KIAA1217: variants seen among roughly 807,000 people sequenced by gnomAD.
The protein encoded by KIAA1217 is sickle tail protein homolog.
A neutral mutation model predicts 163.9 loss-of-function variants in KIAA1217; 88 were observed. The observed-to-expected ratio is 0.54, with a 90% confidence interval of 0.45 to 0.64. KIAA1217 has a LOEUF of 0.64. Ranked by LOEUF, KIAA1217 falls within the 30% of genes least tolerant of loss-of-function variation. KIAA1217 has a pLI of 0.00. For missense variants in KIAA1217, 2,372 were observed against 2,475.0 expected (o/e 0.96, Z 0.88); for synonymous variants, 903 against 923.1 (o/e 0.98, Z 0.39).
rs1310814801 is a variant in KIAA1217 at position 24,348,866 on chromosome 10, G to T, written c.355-32003G>T. The stretch of plus-strand genomic sequence containing the variant: ...CCCAAGCATTCAAAAACAGCTGGGG[G>T]CTGGGCACAGTGGCTCCTGACTATA... On this transcript the variant is annotated intron_variant, in intron 2 of 20. Coordinates refer to ENST00000376454, the MANE Select transcript of KIAA1217 (RefSeq NM_019590.5). Among the ~76,000 whole-genome samples, 9 of 152,156 alleles carry T rather than the reference G, an allele frequency of 5.9e-5. 1 individual carries two copies. Among genetic ancestry groups the T allele is most frequent in the Admixed American group, 5.9e-4 (9 of 15,280 alleles).
intron 1 of KIAA1217, among the ~76,000 whole-genome samples, chr10:23,761,678 A>G (rs1047115053): frequency 1.3e-5 from 2 of 152,046 alleles, no homozygotes; most frequent in Non-Finnish European, 2.9e-5. Context: ...TTCCCACTAT[A>G]TGGTCGATTT....
intron 2 of KIAA1217, among the ~76,000 whole-genome samples, chr10:24,347,739 C>A (rs867952160): frequency 2.0e-5 from 3 of 152,152 alleles, no homozygotes; most frequent in Admixed American, 6.5e-5. Flanking sequence ...AAATTCCATG[C>A]CAGTTTCGTG....
At chr10:24,271,050 T>C (rs1190387780) in intron 2 of KIAA1217, among the ~76,000 whole-genome samples, 1 of 152,188 alleles carries the variant, frequency 6.6e-6, no homozygotes, top group Admixed American at 6.5e-5. Flanking sequence ...TGAGGTTCAG[T>C]GTCATTGGAA....
At chr10:23,880,328 T>A (rs1183554208) in intron 1 of KIAA1217, among the ~76,000 whole-genome samples, 1 of 151,924 alleles carries the variant, frequency 6.6e-6, no homozygotes, top group Non-Finnish European at 1.5e-5. Flanking sequence ...GTCTTTATGT[T>A]AAGTAAAATG....
rs2061825042 is a variant in KIAA1217 at position 24,089,040 on chromosome 10, G to A, written c.-171+81666G>A. ...TGGTTTTGATTTGCATTTCTCTGAT[G>A]GCCAGTGGTGATGAGCATTTTTTCA... On this transcript the variant is annotated intron_variant, in intron 2 of 18. Coordinates refer to the KIAA1217 transcript ENST00000376462. 1.6e-5 allele frequency among the ~76,000 whole-genome samples: 2 copies of A among 125,266 alleles called. 1 individual carries two copies. Among genetic ancestry groups the A allele is most frequent in the Admixed American group, 1.5e-4 (2 of 13,052 alleles). 82.2% of individuals were successfully genotyped at this position (125,266 alleles called of 152,430 possible). A position where few individuals can be genotyped will look rare whatever the true frequency, so the allele number is the denominator to read the frequency against.
intron 3 of KIAA1217, among the ~76,000 whole-genome samples, chr10:24,423,715 T>C (rs1341031985): frequency 6.6e-6 from 1 of 152,148 alleles, no homozygotes; most frequent in Non-Finnish European, 1.5e-5. Context: ...ACCTCAGTTT[T>C]AGTAGAAATA....
At chr10:24,355,286 ATTATC>A (rs2048946574) in intron 2 of KIAA1217, among the ~76,000 whole-genome samples, 1 of 152,166 alleles carries the variant, frequency 6.6e-6, no homozygotes, top group Non-Finnish European at 1.5e-5. Context: ...TCAGTGGTTT[ATTATC>A]TTAGTTTCAG....
chr10:24,040,607 T>C (rs2131556233), intron 2 of KIAA1217, among the ~76,000 whole-genome samples: 1 of 152,316 alleles, frequency 6.6e-6, no homozygotes, highest in Admixed American at 6.5e-5. Flanking sequence ...TACAGCAGTA[T>C]TTGCAAACGT....
intron 3 of KIAA1217, among the ~76,000 whole-genome samples, chr10:24,413,105 A>C (rs766373866): frequency 7.2e-5 from 11 of 152,074 alleles, no homozygotes; most frequent in Non-Finnish European, 1.3e-4. Flanking sequence ...CTAACCCTGC[A>C]CTCAGGTCCA....
chr10:24,147,796 G>GCAC (rs1254811523), intron 2 of KIAA1217, among the ~76,000 whole-genome samples: 1 of 115,086 alleles, frequency 8.7e-6, no homozygotes, highest in Non-Finnish European at 1.6e-5. Context: ...CCATGCCACT[G>GCAC]CACTCCAGCC....
intron 2 of KIAA1217, among the ~76,000 whole-genome samples, chr10:24,309,163 A>AGGGG (rs1564446364): frequency 1.3e-5 from 1 of 75,222 alleles, no homozygotes; most frequent in Non-Finnish European, 2.6e-5. Context: ...GGAGGGAGGG[A>AGGGG]GGGAGGGAAG....
chr10:24,383,846 G>A lies in KIAA1217; in HGVS notation c.553+2779G>A, dbSNP rs183050642. ...CCCAGCCGCACCTGGCCCTTATGGC[G>A]TAATCCAGTTGAGCCTGGACGGGAA... On this transcript the variant is annotated intron_variant, in intron 3 of 20. Transcript: ENST00000376454. 6.2e-4 allele frequency among the ~76,000 whole-genome samples: 95 copies of A among 152,332 alleles called. 1 individual carries two copies. The highest frequency in any genetic ancestry group is 2.1e-3 in the African/African-American group (86 of 41,576).
chr10:24,130,782 A>G lies in KIAA1217; in HGVS notation c.-170-88844A>G, dbSNP rs145144669. Among the ~76,000 whole-genome samples, 310 of 152,318 alleles carry G rather than the reference A, an allele frequency of 2.0e-3. 2 individuals carry two copies. The highest frequency in any genetic ancestry group is 7.2e-3 in the African/African-American group (299 of 41,564). The stretch of plus-strand genomic sequence containing the variant: ...GATTGGAATATGTGTTCAGTACCAT[A>G]TAATTCGTCACCATCATTAACTTTT... On this transcript the variant is annotated intron_variant, in intron 2 of 18. Coordinates refer to the KIAA1217 transcript ENST00000376462.
At chr10:23,936,329 C>G (rs1344775996) in intron 1 of KIAA1217, among the ~76,000 whole-genome samples, 1 of 151,806 alleles carries the variant, frequency 6.6e-6, no homozygotes, top group African/African-American at 2.4e-5. Flanking sequence ...AGAAAGATAT[C>G]TTGCATACTA....
At chr10:24,498,607 C>T (rs746156421) in intron 8 of KIAA1217, among the ~76,000 whole-genome samples, 7 of 151,952 alleles carry the variant, frequency 4.6e-5, no homozygotes, top group Non-Finnish European at 1.0e-4. Flanking sequence ...TCGCTTGAGG[C>T]CAGGAGTTCA....
chr10:24,099,429 G>A (rs1175522362), intron 2 of KIAA1217, among the ~76,000 whole-genome samples: 4 of 151,100 alleles, frequency 2.6e-5, no homozygotes, highest in African/African-American at 9.7e-5. Flanking sequence ...GTGAGAACAT[G>A]CAGTATTTGG....
intron 1 of KIAA1217, among the ~76,000 whole-genome samples, chr10:23,746,686 G>A (rs1839436334): frequency 6.6e-6 from 1 of 152,118 alleles, no homozygotes; most frequent in Admixed American, 6.6e-5. Flanking sequence ...GCCTCCCAAA[G>A]TGCTGGGATT....
At chr10:23,986,586 T>G (rs1845981990) in intron 1 of KIAA1217, among the ~76,000 whole-genome samples, 1 of 152,234 alleles carries the variant, frequency 6.6e-6, no homozygotes, top group Admixed American at 6.5e-5. Flanking sequence ...TTTTGTTGTT[T>G]TTTTATGAAT....
chr10:24,036,595 G>A (rs1015621376), intron 2 of KIAA1217, among the ~76,000 whole-genome samples: 35 of 152,282 alleles, frequency 2.3e-4, no homozygotes, highest in African/African-American at 8.2e-4. Flanking sequence ...ATCTGCTCCT[G>A]GTGAGGCCTC....
Sources: allele counts gnomAD v4.1 joint callset (sites outside exome capture counted in the v4.1 genomes callset), GRCh38; gene constraint gnomAD v4.1.1; transcripts MANE v1.5; gene names NCBI Gene and HGNC (gene_info 2026-07-23, HGNC 2026-07-21).